SLC24A2: variants seen among roughly 807,000 people sequenced by gnomAD.
SLC24A2 encodes solute carrier family 24 member 2.
A neutral mutation model predicts 62.0 loss-of-function variants in SLC24A2; 36 were observed. That is an observed-to-expected ratio of 0.58 (90% CI 0.44 to 0.77). SLC24A2 has a LOEUF of 0.77. Among genes scored for constraint, SLC24A2 ranks in the 30% least tolerant of loss-of-function variants. SLC24A2 has a pLI of 0.00. For synonymous variants in SLC24A2, 358 were observed against 294.0 expected (o/e 1.22, Z -2.23); for missense variants, 846 against 817.9 (o/e 1.03, Z -0.42).
chr9:20,175,213 A>G, the SLC24A2 span, among the ~76,000 whole-genome samples: 339 of 151,942 alleles, frequency 2.2e-3, no homozygotes, highest in Admixed American at 3.7e-3. Context: ...GAATGATACA[A>G]TGGATTTTGG....
At chr9:19,570,081 A>G (rs1248613348) in intron 7 of SLC24A2, among the ~76,000 whole-genome samples, 1 of 152,248 alleles carries the variant, frequency 6.6e-6, no homozygotes, top group Non-Finnish European at 1.5e-5. Context: ...CTTTGCTAGA[A>G]CACATGGGCA....
chr9:19,797,852 G>A, the SLC24A2 span, among the ~76,000 whole-genome samples: 116,039 of 152,088 alleles, frequency 0.76, 47,384 homozygotes, highest in Non-Finnish European at 0.91. Context: ...AAAGGATGGG[G>A]AACGGTGTTT....
the SLC24A2 span, among the ~76,000 whole-genome samples, chr9:20,074,599 AAGGAAAGAAGGG>A: frequency 3.9e-4 from 24 of 61,974 alleles, no homozygotes; most frequent in African/African-American, 1.6e-3. Flanking sequence ...GGAAGGAAGG[AAGGAAAGAAGGG>A]AGTGAGGGAG....
At chr9:19,949,921 G>A in the SLC24A2 span, among the ~76,000 whole-genome samples, 1 of 152,244 alleles carries the variant, frequency 6.6e-6, no homozygotes, top group African/African-American at 2.4e-5. Context: ...TGCTAATCGA[G>A]TGTGGTGTTT....
rs180953679 is a variant in SLC24A2, at chr9:19,734,184, T to C, written c.930+51753A>G. The stretch of plus-strand genomic sequence containing the variant: ...TTGTTTTTGTCAGGTTTGTCAAAGA[T>C]CAGATAGTTGTAGATATGTGGCATT... On this transcript the variant is annotated intron_variant, in intron 2 of 10. Transcript: ENST00000341998. Among the ~76,000 whole-genome samples, 293 of 152,228 alleles carry C rather than the reference T, an allele frequency of 1.9e-3. 3 individuals are homozygous for C. Among genetic ancestry groups the C allele is most frequent in the African/African-American group, 6.5e-3 (268 of 41,524 alleles).
chr9:19,989,072 C>T, the SLC24A2 span, among the ~76,000 whole-genome samples: 2 of 151,948 alleles, frequency 1.3e-5, no homozygotes, highest in African/African-American at 4.8e-5. Context: ...AAAATGTAAA[C>T]AATGCTACAT....
the SLC24A2 span, among the ~76,000 whole-genome samples, chr9:20,127,427 T>C: frequency 6.6e-6 from 1 of 152,168 alleles, no homozygotes; most frequent in Non-Finnish European, 1.5e-5. Context: ...GAGAATTCTT[T>C]AACTTCAGAA....
the SLC24A2 span, among the ~76,000 whole-genome samples, chr9:20,233,194 T>C: frequency 0.13 from 20,339 of 152,172 alleles, 1,624 homozygotes; most frequent in African/African-American, 0.22. Flanking sequence ...GAAAAGAATG[T>C]ATATTCTGTT....
At chr9:19,720,837 ATGTGTGTGTGTGTGTGTGTG>A (rs10692458) in intron 2 of SLC24A2, among the ~76,000 whole-genome samples, 87 of 140,522 alleles carry the variant, frequency 6.2e-4, no homozygotes, top group Admixed American at 1.4e-3. Flanking sequence ...ATGTGGAATG[ATGTGTGTGTGTGTGTGTGTG>A]TGTGTGTGTG....
intron 2 of SLC24A2, among the ~76,000 whole-genome samples, chr9:19,700,667 G>A (rs1820330676): frequency 6.6e-6 from 1 of 152,032 alleles, no homozygotes; most frequent in African/African-American, 2.4e-5. Flanking sequence ...TCCTTGCTTT[G>A]GTAGGCTGAA....
chr9:20,162,741 G>A, the SLC24A2 span, among the ~76,000 whole-genome samples: 10 of 152,078 alleles, frequency 6.6e-5, no homozygotes, highest in African/African-American at 2.2e-4. Flanking sequence ...ATAAAATACT[G>A]GAAAACCGAA....
At chr9:19,658,538 C>T in intron 2 of SLC24A2, among the ~76,000 whole-genome samples, 1 of 152,186 alleles carries the variant, frequency 6.6e-6, no homozygotes, top group Admixed American at 6.5e-5. Context: ...CTGCTATTAT[C>T]CCCAGTTTAC....
chr9:20,029,203 A>G, the SLC24A2 span, among the ~76,000 whole-genome samples: 1 of 152,208 alleles, frequency 6.6e-6, no homozygotes, highest in Non-Finnish European at 1.5e-5. Context: ...ACAGCTGAGC[A>G]CTGTGGTTAT....
At chr9:20,168,287 T>C in the SLC24A2 span, among the ~76,000 whole-genome samples, 4 of 151,990 alleles carry the variant, frequency 2.6e-5, no homozygotes, top group Non-Finnish European at 4.4e-5. Flanking sequence ...TCAGCTGTTC[T>C]CTAAGCTTAA....
chr9:20,097,931 A>T, the SLC24A2 span, among the ~76,000 whole-genome samples: 8 of 151,170 alleles, frequency 5.3e-5, no homozygotes, highest in African/African-American at 1.7e-4. Context: ...TTTAGTAGAG[A>T]CGGGGTTTCA....
chr9:19,589,480 G>C (rs921074361), intron 5 of SLC24A2, among the ~76,000 whole-genome samples: 1 of 152,156 alleles, frequency 6.6e-6, no homozygotes, highest in Non-Finnish European at 1.5e-5. Context: ...TTACTTATGT[G>C]TGCATGTAAT....
chr9:20,020,013 A>G, the SLC24A2 span, among the ~76,000 whole-genome samples: 4 of 152,334 alleles, frequency 2.6e-5, no homozygotes, highest in East Asian at 7.7e-4. Context: ...AATCAAAACC[A>G]CAATGAGATA....
intron 2 of SLC24A2, among the ~76,000 whole-genome samples, chr9:19,774,926 A>G (rs1252687574): frequency 6.6e-6 from 1 of 152,198 alleles, no homozygotes; most frequent in Non-Finnish European, 1.5e-5. Context: ...TTTCTTTCCC[A>G]TTAACAGAGA....
chr9:19,978,446 T>G, the SLC24A2 span, among the ~76,000 whole-genome samples: 1 of 151,732 alleles, frequency 6.6e-6, no homozygotes, highest in Non-Finnish European at 1.5e-5. Flanking sequence ...CTCCAGTAGA[T>G]AGAGGAAATG....
Sources: gnomAD v4.1 joint callset for allele counts (sites outside exome capture counted in the v4.1 genomes callset) on GRCh38, gnomAD v4.1.1 for gene constraint, MANE v1.5 for transcripts, NCBI Gene and HGNC (gene_info 2026-07-23, HGNC 2026-07-21) for gene names.